BOD1L1: variants seen among roughly 807,000 people sequenced by gnomAD.
BOD1L1 encodes biorientation of chromosomes in cell division 1 like 1.
BOD1L1 carries 86 observed loss-of-function variants against 240.7 expected under a neutral mutation model. The ratio of observed to expected loss-of-function variants is 0.36; its 90% CI spans 0.30 to 0.43. BOD1L1 has a LOEUF of 0.43. Ranked by LOEUF, BOD1L1 falls within the 20% of genes least tolerant of loss-of-function variation. The pLI is 1.00. For synonymous variants in BOD1L1, 1,268 were observed against 1,272.3 expected, an observed-to-expected ratio of 1.00 and a Z score of 0.07; for missense variants, 3,554 against 3,643.5, an observed-to-expected ratio of 0.98 and a Z score of 0.63.
chr4:13,619,632 T>C (rs980947715), intron 2 of BOD1L1, among the ~76,000 whole-genome samples: 1 of 152,214 alleles, frequency 6.6e-6, no homozygotes, highest in Admixed American at 6.5e-5. Context: ...AAGAAAATAG[T>C]TGTGAAGGCA....
chr4:13,600,909 G>T lies in BOD1L1; in HGVS notation c.5991C>A (p.Thr1997=), dbSNP rs777222267. Residue 1997 remains threonine, a synonymous_variant, in exon 10 of 26, where the codon ACC becomes ACA. Transcript: ENST00000040738. ...SDSQLEKVED[T]TISTGLVGGS... is the part of the protein sequence containing the mutation. ...CCCCGACCAGGCCAGTGGAAATAGT[G>T]GTATCTTCAACTTTTTCGAGCTGAC... The T allele has an allele frequency of 6.2e-7, 1 of 1,613,900 alleles. No homozygotes were observed. Among genetic ancestry groups the T allele is most frequent in the Non-Finnish European group, 8.5e-7 (1 of 1,179,876 alleles).
Position 13,613,650 on chromosome 4 carries a change from T to C in BOD1L1, c.1186A>G (p.Ile396Val). The C allele has an allele frequency of 6.5e-7, 1 of 1,537,038 alleles. No homozygotes were observed. Among genetic ancestry groups the C allele is most frequent in the Non-Finnish European group, 8.8e-7 (1 of 1,135,144 alleles). The change falls in exon 5 of 26, where the codon ATA (isoleucine) becomes GTA (valine). Residue 396 changes from isoleucine (I) to valine (V), a missense_variant. Ile to Val is a conservative substitution (Grantham distance 29). This residue lies in a region of BOD1L1 where 3,393 missense variants were observed against 3,427.1 expected (regional missense o/e 0.99). Transcript: ENST00000040738. This position sits in a 1 kb window ranked among gnomAD's most constrained non-coding sequence, Gnocchi z 4.0. ...VEGTKEDFSL[I>V]DSDVDGLTDI... ...GTAAGTCCATCCACATCAGAATCTA[T>C]CAAAGAGAAATCTTCAAGCGGAAAA... is the stretch of plus-strand genomic sequence containing the variant.
At position 13,613,072 on chromosome 4, in the gene BOD1L1, T is replaced by G. The variant is rs187168997; in HGVS notation, c.1324+440A>C. On this transcript the variant is annotated intron_variant, in intron 5 of 25. Coordinates refer to ENST00000040738, the MANE Select transcript of BOD1L1 (RefSeq NM_148894.3). This position sits in a 1 kb window ranked among gnomAD's most constrained non-coding sequence, Gnocchi z 4.0. ...TGAGCACCTTAACTGTAAACAACCA[T>G]AGCTGTGAGTATACCACCTTTCGGT... Among the ~76,000 whole-genome samples, 1 of 152,186 alleles carries G rather than the reference T, an allele frequency of 6.6e-6. No individual in the cohort carries two copies. Among genetic ancestry groups the G allele is most frequent in the African/African-American group, 2.4e-5 (1 of 41,460 alleles).
chr4:13,580,148 C>T (rs906697900), intron 21 of BOD1L1, 175 bp from the exon 22 acceptor site: 1 of 562,230 alleles, frequency 1.8e-6, no homozygotes, highest in South Asian at 2.3e-5. Flanking sequence ...GCCTGAGCTT[C>T]TAAATACAGA....
Position 13,601,568 on chromosome 4 carries a change from C to A in BOD1L1, c.5332G>T (p.Asp1778Tyr), listed in dbSNP as rs1160696261. 3 of 1,614,048 alleles carry A rather than the reference C, an allele frequency of 1.9e-6. 1 individual carries two copies. Among genetic ancestry groups the A allele is most frequent in the Non-Finnish European group, 1.7e-6 (2 of 1,179,906 alleles). Residue 1778 changes from aspartate to tyrosine, a missense_variant, in exon 10 of 26, where the codon GAT becomes TAT. Physicochemically the swap from Asp to Tyr is radical, Grantham distance 160. Transcript: ENST00000040738. ...TCTGTACCATCATTCACAGAACCAT[C>A]TCCTTCTTGGCTGGCACTTGTTCCT... ...PPGTSASQEG[D>Y]GSVNDGTEGE... is the part of the protein sequence containing the mutation.
At chr4:13,585,888 A>G (rs991678566) in intron 17 of BOD1L1, among the ~76,000 whole-genome samples, 4 of 152,256 alleles carry the variant, frequency 2.6e-5, no homozygotes, top group East Asian at 1.9e-4. Context: ...TTTGCCTTCT[A>G]CCATGATTGT....
At chr4:13,588,846 A>T in intron 14 of BOD1L1, 54 bp from the exon 15 acceptor site, 1 of 1,312,702 alleles carries the variant, frequency 7.6e-7, no homozygotes, top group South Asian at 1.4e-5. Context: ...TTATATTCCA[A>T]TACTTACTTA....
chr4:13,578,414 T>G (rs1223714096), intron 22 of BOD1L1, among the ~76,000 whole-genome samples: 1 of 152,196 alleles, frequency 6.6e-6, no homozygotes, highest in Non-Finnish European at 1.5e-5. Flanking sequence ...TCAAAGGAAA[T>G]GCCATTGCAG....
Position 13,600,775 on chromosome 4 carries a change from T to C in BOD1L1, c.6125A>G (p.Glu2042Gly). 1 of 1,614,012 alleles carries C rather than the reference T, an allele frequency of 6.2e-7. No individual in the cohort carries two copies. Among genetic ancestry groups the C allele is most frequent in the Non-Finnish European group, 8.5e-7 (1 of 1,179,890 alleles). Residue 2042 changes from glutamate to glycine, a missense_variant, in exon 10 of 26, where the codon GAG becomes GGG. Coordinates refer to ENST00000040738, the MANE Select transcript of BOD1L1 (RefSeq NM_148894.3). ...EDIITSVENE[E>G]CDGLMATTAS... ...TGTAGTTGCCATGAGACCATCACACTCTTCATTTTCTACAGAGGTGATGAT... is the reference window on the plus strand; with the variant it reads ...TGTAGTTGCCATGAGACCATCACACCCTTCATTTTCTACAGAGGTGATGAT...
At chr4:13,611,183 G>T (rs1430900165) in intron 5 of BOD1L1, 83 bp from the exon 6 acceptor site, 1 of 982,472 alleles carries the variant, frequency 1.0e-6, no homozygotes, top group East Asian at 2.6e-5. Flanking sequence ...GTAAAGGCAA[G>T]ATGAATTGGA....
In BOD1L1 at chr4:13,610,916, A is replaced by G. The variant is rs970960366; in HGVS notation, c.1491+18T>C. ...ACCTGATGTAGTAGGTTAAAATAAC[A>G]GAACAAACTGGACTTACAATGGACT... On this transcript the variant is annotated intron_variant, in intron 6 of 25. Coordinates refer to ENST00000040738, the MANE Select transcript of BOD1L1 (RefSeq NM_148894.3). 2.4e-5 allele frequency: 38 copies of G among 1,580,150 alleles called. No individual in the cohort carries two copies. The highest frequency in any genetic ancestry group is 3.1e-5 in the Non-Finnish European group (36 of 1,164,320).
chr4:13,587,802 A>G (rs2108907710), intron 15 of BOD1L1, 31 bp from the exon 16 acceptor site: 1 of 1,414,946 alleles, frequency 7.1e-7, no homozygotes, highest in Non-Finnish European at 9.8e-7. Context: ...ATCAAAGGCC[A>G]TAGAATCTTG....
chr4:13,596,085 A>T, intron 11 of BOD1L1, 141 bp from the exon 12 acceptor site: 1 of 664,334 alleles, frequency 1.5e-6, no homozygotes, highest in East Asian at 2.7e-5. Context: ...AAACTTAAAA[A>T]TAAATACATC....
Position 13,570,145 on chromosome 4 carries a change from C to A in BOD1L1, c.9039-17G>T. On this transcript the variant is annotated splice_polypyrimidine_tract_variant and intron_variant, in intron 25 of 25. Transcript: ENST00000040738. ...GTCTTTGATCTGCATTAAGCAAAGT[C>A]AAGGCAATGGTGAGGTTTAAAAGCA... The A allele has an allele frequency of 1.3e-6, 2 of 1,526,826 alleles. No homozygotes were observed. The highest frequency in any genetic ancestry group is 2.5e-5 in the South Asian group (2 of 79,728). 94.6% of individuals were successfully genotyped at this position (1,526,826 alleles called of 1,614,324 possible). A position where few individuals can be genotyped will look rare whatever the true frequency, so the allele number is the denominator to read the frequency against.
At position 13,598,954 on chromosome 4, in the gene BOD1L1, C is replaced by T. The variant is rs1478822795; in HGVS notation, c.7946G>A (p.Cys2649Tyr). 6.2e-7 allele frequency: 1 copy of T among 1,603,822 alleles called. No homozygotes were observed. Among genetic ancestry groups the T allele is most frequent in the East Asian group, 2.2e-5 (1 of 44,682 alleles). ...TAGGTACAGATTCTCACCTATGTCA[C>T]ACACATTTTCTTCAGAAGACACAGT... is the stretch of plus-strand genomic sequence containing the variant. ...MVTVSSEENV[C>Y]DIGNEESPLN... Residue 2649 changes from cysteine (C) to tyrosine (Y), a missense_variant, in exon 10 of 26, where the codon TGT (cysteine) becomes TAT (tyrosine). Physicochemically the swap from Cys to Tyr is radical, Grantham distance 194. Transcript: ENST00000040738.
chr4:13,623,163 C>G (rs1717152970), intron 1 of BOD1L1, among the ~76,000 whole-genome samples: 1 of 152,102 alleles, frequency 6.6e-6, no homozygotes. Context: ...TAGGACCTAC[C>G]ATACATTACT....
Position 13,627,369 on chromosome 4 carries a change from G to A in BOD1L1, c.219C>T (p.Asp73=). The A allele has an allele frequency of 7.4e-7, 1 of 1,348,002 alleles. No homozygotes were observed. The highest frequency in any genetic ancestry group is 9.6e-7 in the Non-Finnish European group (1 of 1,038,964). 83.5% of individuals were successfully genotyped at this position (1,348,002 alleles called of 1,614,324 possible). The change falls in exon 1 of 26, where the codon GAC becomes GAT. Residue 73 remains aspartate (D), a synonymous_variant. Coordinates refer to ENST00000040738, the MANE Select transcript of BOD1L1 (RefSeq NM_148894.3). ...CCTTGGTGTCCACGTCGGCCAGGCA[G>A]TCTCTGCGGAACTGGTCGAAGAGCC... ...SQGLFDQFRR[D]CLADVDTKPA...
intron 13 of BOD1L1, among the ~76,000 whole-genome samples, chr4:13,591,385 T>A (rs1159986480): frequency 6.6e-6 from 1 of 152,230 alleles, no homozygotes; most frequent in African/African-American, 2.4e-5. Flanking sequence ...TTGGAAAGAA[T>A]GCAGTTGTCT....
Position 13,609,331 on chromosome 4 carries a change from C to T in BOD1L1, c.1567G>A (p.Ala523Thr), listed in dbSNP as rs774103573. The T allele has an allele frequency of 6.4e-7, 1 of 1,556,542 alleles. No homozygotes were observed. Among genetic ancestry groups the T allele is most frequent in the South Asian group, 1.2e-5 (1 of 80,150 alleles). ...GTTTTTGAAGACTTTGTCTTTTCTG[C>T]TTTCTGTTTTCGTTTTTCTTCAAGT... is the stretch of plus-strand genomic sequence containing the variant. ...EKLEEKRKQK[A>T]EKTKSSKTKG... Residue 523 changes from alanine (A) to threonine (T), a missense_variant, in exon 7 of 26, where the codon GCA (alanine) becomes ACA (threonine). Around this residue, in one of 2 missense-constraint regions of BOD1L1, gnomAD observed 3,393 missense variants for 3,427.1 expected, o/e 0.99. Coordinates refer to ENST00000040738, the MANE Select transcript of BOD1L1 (RefSeq NM_148894.3).
Sources: gnomAD v4.1 joint callset for allele counts (sites outside exome capture counted in the v4.1 genomes callset) on GRCh38, gnomAD v4.1.1 for gene constraint, gnomAD v4.1.1 regional missense constraint, Gnocchi (gnomAD v3.1) non-coding constraint, MANE v1.5 for transcripts, NCBI Gene and HGNC (gene_info 2026-07-23, HGNC 2026-07-21) for gene names.